Variants in TLK2 observed in about 807,000 individuals in gnomAD.
The protein encoded by TLK2 is serine/threonine-protein kinase tousled-like 2.
TLK2 carries 6 observed loss-of-function variants against 117.3 expected under a neutral mutation model. That is an observed-to-expected ratio of 0.05 (90% CI 0.03 to 0.10). The LOEUF (loss-of-function observed/expected upper bound fraction) is 0.10, where lower values mean the gene tolerates loss of function less well. Ranked by LOEUF, TLK2 falls within the 10% of genes least tolerant of loss-of-function variation. The pLI is 1.00. For synonymous variants in TLK2, 257 were observed against 316.7 expected (o/e 0.81, Z 2.00); for missense variants, 299 against 901.2 (o/e 0.33, Z 8.56).
intron 6 of TLK2, among the ~76,000 whole-genome samples, chr17:62,534,656 C>T (rs567764124): frequency 6.6e-6 from 1 of 151,994 alleles, no homozygotes; most frequent in South Asian, 2.1e-4. Flanking sequence ...GTTATATCAT[C>T]CAAAAATGAC....
At chr17:62,601,988 T>G (rs1041805058) in intron 18 of TLK2, 54 bp from the exon 19 acceptor site, 2 of 1,548,594 alleles carry the variant, frequency 1.3e-6, no homozygotes, top group Non-Finnish European at 1.7e-6. Context: ...TACTTTGGGT[T>G]TTTCTCTTAA....
chr17:62,596,755 G>A, intron 17 of TLK2, 81 bp downstream of exon 17: 2 of 1,259,260 alleles, frequency 1.6e-6, no homozygotes, highest in Non-Finnish European at 2.3e-6. Context: ...GCTGAACTCT[G>A]GGTCCAGGAC....
rs1359209464 is a variant in TLK2, at chr17:62,606,027, C to T, written c.1860-103C>T. On this transcript the variant is annotated intron_variant, in intron 19 of 21. Coordinates refer to ENST00000346027, the MANE Select transcript of TLK2 (RefSeq NM_006852.6). ...TCTCCAAAAAAAAAAAAAAAAAAAA[C>T]GATATTTCTATTTTCAACAAGATAT... The T allele has an allele frequency of 3.8e-5, 9 of 239,580 alleles. No homozygotes were observed. The East Asian group carries it at 4.0e-4, about 11-fold the overall frequency. 14.8% of individuals were successfully genotyped at this position (239,580 alleles called of 1,614,324 possible).
At chr17:62,501,671 C>G (rs750278375) in intron 2 of TLK2, among the ~76,000 whole-genome samples, 1 of 151,868 alleles carries the variant, frequency 6.6e-6, no homozygotes, top group Non-Finnish European at 1.5e-5. Context: ...TAAAAATCTT[C>G]CCACAAGGCC....
intron 2 of TLK2, among the ~76,000 whole-genome samples, chr17:62,509,982 A>G (rs1247645298): frequency 6.6e-6 from 1 of 152,196 alleles, no homozygotes; most frequent in East Asian, 1.9e-4. Context: ...TCTGTTTTTC[A>G]TAAATTACCC....
At chr17:62,607,454 G>A (rs1284638340) in intron 20 of TLK2, among the ~76,000 whole-genome samples, 7 of 151,884 alleles carry the variant, frequency 4.6e-5, no homozygotes, top group Non-Finnish European at 7.4e-5. Context: ...GCATGAACCC[G>A]GGAGGCAGAG....
At chr17:62,490,413 C>T (rs1157667536) in intron 2 of TLK2, among the ~76,000 whole-genome samples, 1 of 152,176 alleles carries the variant, frequency 6.6e-6, no homozygotes, top group Non-Finnish European at 1.5e-5. Context: ...GAGGGTGTAG[C>T]CCATGGGTCT....
rs371569923 is a variant in TLK2 at position 62,580,225 on chromosome 17, G to T, written c.1368+33G>T. ...TAAGGAACTGGATACAAAGACTGGG[G>T]GTTAAATTATCGGCTCCTACCAACT... is the stretch of plus-strand genomic sequence containing the variant. On this transcript the variant is annotated intron_variant, in intron 15 of 21. Coordinates refer to ENST00000346027, the MANE Select transcript of TLK2 (RefSeq NM_006852.6). The T allele has an allele frequency of 2.8e-5, 43 of 1,531,234 alleles. No individual in the cohort carries two copies. In the African/African-American group the frequency reaches 4.0e-4, roughly 14 times the overall value. 94.9% of individuals were successfully genotyped at this position (1,531,234 alleles called of 1,614,324 possible).
intron 6 of TLK2, among the ~76,000 whole-genome samples, chr17:62,528,689 T>A (rs1353417151): frequency 6.6e-6 from 1 of 152,188 alleles, no homozygotes; most frequent in East Asian, 1.9e-4. Flanking sequence ...AGTGCTGGAA[T>A]TACAGGCGTG....
chr17:62,566,999 G>A (rs1214604227), intron 11 of TLK2, among the ~76,000 whole-genome samples: 2 of 152,170 alleles, frequency 1.3e-5, no homozygotes, highest in Non-Finnish European at 2.9e-5. Context: ...AGGCCGAAGC[G>A]GGTGGATCAG....
At chr17:62,571,363 A>G (rs571360338) in intron 11 of TLK2, among the ~76,000 whole-genome samples, 2 of 152,270 alleles carry the variant, frequency 1.3e-5, no homozygotes, top group African/African-American at 2.4e-5. Context: ...TTGTCATACT[A>G]TATTGTTTAT....
At chr17:62,607,956 T>C (rs2083440076) in intron 20 of TLK2, 85 bp from the exon 21 acceptor site, 18 of 1,112,728 alleles carry the variant, frequency 1.6e-5, no homozygotes, top group Non-Finnish European at 2.2e-5. Flanking sequence ...AGATGTCTTA[T>C]CCTTTTCCTT....
At position 62,509,929 on chromosome 17, in the gene TLK2, G is replaced by A. The variant is rs546064169; in HGVS notation, c.82-10844G>A. 2.0e-5 allele frequency among the ~76,000 whole-genome samples: 3 copies of A among 152,228 alleles called. No individual in the cohort carries two copies. The South Asian group carries it at 6.2e-4, about 32-fold the overall frequency. ...CAGACACCTAACCTGCTGGTGCCTT[G>A]GTATTGTACTTCCCAGCCTCCAGAA... On this transcript the variant is annotated intron_variant, in intron 2 of 21. Coordinates refer to ENST00000346027, the MANE Select transcript of TLK2 (RefSeq NM_006852.6).
intron 11 of TLK2, among the ~76,000 whole-genome samples, chr17:62,571,711 A>G (rs916667727): frequency 1.3e-5 from 2 of 152,306 alleles, no homozygotes; most frequent in East Asian, 1.9e-4. Context: ...TTGCCCTTCT[A>G]GATATGTTCG....
chr17:62,608,946 T>G lies in TLK2; in HGVS notation c.2079+798T>G, dbSNP rs556339034. Among the ~76,000 whole-genome samples the G allele has an allele frequency of 2.6e-5, 4 of 152,340 alleles. No homozygotes were observed. The East Asian group carries it at 7.7e-4, about 29-fold the overall frequency. Reference sequence around the variant, plus strand: ...CCACATCTGTAAACCAAGATTCTAGTAGCCAGCCTACTTTTTCCTTGCTAT... The same window carrying G: ...CCACATCTGTAAACCAAGATTCTAGGAGCCAGCCTACTTTTTCCTTGCTAT... On this transcript the variant is annotated intron_variant, in intron 21 of 21. Transcript: ENST00000346027.
At chr17:62,498,628 T>A (rs1302127327) in intron 2 of TLK2, among the ~76,000 whole-genome samples, 1 of 152,134 alleles carries the variant, frequency 6.6e-6, no homozygotes. Flanking sequence ...TGACCTCAGG[T>A]TATCCACCTG....
chr17:62,615,042 T>TC lies in TLK2; in HGVS notation c.*2481dup, dbSNP rs574560692. ...TCCCAGTAACTTCCTGCCTTTTTTTTCCCCGTGGGCTTTTAAGTGAAGCTG... is the reference window on the plus strand; with the variant it reads ...TCCCAGTAACTTCCTGCCTTTTTTTTCCCCCGTGGGCTTTTAAGTGAAGCTG... On this transcript the variant is annotated 3_prime_UTR_variant, in exon 22 of 22. Coordinates refer to ENST00000346027, the MANE Select transcript of TLK2 (RefSeq NM_006852.6). 1 of 152,226 alleles carries TC rather than the reference T, an allele frequency of 6.6e-6. No individual in the cohort carries two copies. Among genetic ancestry groups the TC allele is most frequent in the African/African-American group, 2.4e-5 (1 of 41,454 alleles). 9.4% of individuals were successfully genotyped at this position (152,226 alleles called of 1,614,324 possible).
chr17:62,607,713 A>C (rs2083421471), intron 20 of TLK2, among the ~76,000 whole-genome samples: 1 of 151,964 alleles, frequency 6.6e-6, no homozygotes, highest in Non-Finnish European at 1.5e-5. Context: ...TATCCCTCAG[A>C]GCAGGTGAGG....
At chr17:62,569,258 C>T (rs768156806) in intron 11 of TLK2, among the ~76,000 whole-genome samples, 1 of 149,512 alleles carries the variant, frequency 6.7e-6, no homozygotes, top group Admixed American at 6.7e-5. Flanking sequence ...GCTGAGATCA[C>T]GCCACTGCAC....
Sources: allele counts gnomAD v4.1 joint callset (sites outside exome capture counted in the v4.1 genomes callset), GRCh38; gene constraint gnomAD v4.1.1; transcripts MANE v1.5; gene names NCBI Gene and HGNC (gene_info 2026-07-23, HGNC 2026-07-21).